Variants in RSRC1 observed in about 807,000 individuals in gnomAD.
RSRC1 encodes serine/Arginine-related protein 53.
A neutral mutation model predicts 49.1 loss-of-function variants in RSRC1; 39 were observed. The observed-to-expected ratio is 0.79, with a 90% CI of 0.61 to 1.04. The LOEUF is 1.04. RSRC1 is among the 50% of genes least tolerant of loss of function. The pLI is 0.00. For missense variants in RSRC1, 388 were observed against 402.4 expected (o/e 0.96, Z 0.31); for synonymous variants, 143 against 130.8 (o/e 1.09, Z -0.63).
intron 7 of RSRC1, among the ~76,000 whole-genome samples, chr3:158,505,675 T>C (rs900219591): frequency 2.0e-5 from 3 of 152,032 alleles, no homozygotes; most frequent in Non-Finnish European, 4.4e-5. Context: ...TTGCATGCTA[T>C]AGAAGTTCAT....
intron 6 of RSRC1, among the ~76,000 whole-genome samples, chr3:158,407,388 A>T (rs1470464046): frequency 6.6e-6 from 1 of 152,190 alleles, no homozygotes; most frequent in Non-Finnish European, 1.5e-5. Context: ...GCTTTATTTT[A>T]TAACTAATTT....
At chr3:158,121,089 T>A (rs997177750) in intron 1 of RSRC1, among the ~76,000 whole-genome samples, 32 of 152,052 alleles carry the variant, frequency 2.1e-4, no homozygotes, top group Admixed American at 1.9e-3. Flanking sequence ...TTATATTGCA[T>A]CATTTAAATA....
At chr3:158,432,228 G>A (rs1352703584) in intron 6 of RSRC1, among the ~76,000 whole-genome samples, 2 of 151,950 alleles carry the variant, frequency 1.3e-5, no homozygotes, top group East Asian at 3.9e-4. Flanking sequence ...AATTAACTTT[G>A]AATGAGGATT....
intron 6 of RSRC1, among the ~76,000 whole-genome samples, chr3:158,386,387 T>G (rs1205667400): frequency 6.6e-6 from 1 of 152,086 alleles, no homozygotes; most frequent in African/African-American, 2.4e-5. Flanking sequence ...TAATCTTGTT[T>G]AATACATTTT....
rs1713277717 is a variant in RSRC1 at position 158,545,219 on chromosome 3, T to TTTTTTTTTTTTTTTTTTTTTA, written c.*944_*945insTTTTTTTTTTTTTTTTTTTTA. On this transcript the variant is annotated 3_prime_UTR_variant, in exon 10 of 10. Coordinates refer to ENST00000611884, the MANE Select transcript of RSRC1 (RefSeq NM_001271838.2). ...TTTTTTTTTTTTTTTTTTTTTTTTT[T>TTTTTTTTTTTTTTTTTTTTTA]GAGACGGAGTCTCGCTCTATCCCCC... is the stretch of plus-strand genomic sequence containing the variant. 7.2e-6 allele frequency: 1 copy of TTTTTTTTTTTTTTTTTTTTTA among 138,836 alleles called. No individual in the cohort carries two copies. 8.6% of individuals were successfully genotyped at this position (138,836 alleles called of 1,614,324 possible).
intron 4 of RSRC1, among the ~76,000 whole-genome samples, chr3:158,242,926 T>C (rs1282712360): frequency 4.6e-5 from 7 of 152,178 alleles, no homozygotes; most frequent in African/African-American, 1.7e-4. Context: ...TAAATTTAAG[T>C]TCTTTGTAGA....
chr3:158,344,948 G>A (rs887886028), intron 5 of RSRC1, among the ~76,000 whole-genome samples: 21 of 152,296 alleles, frequency 1.4e-4, no homozygotes, highest in African/African-American at 4.8e-4. Flanking sequence ...GCCAGGCACG[G>A]TGGCTTACGC....
At chr3:158,272,657 G>A (rs1418360511) in intron 4 of RSRC1, among the ~76,000 whole-genome samples, 1 of 151,942 alleles carries the variant, frequency 6.6e-6, no homozygotes, top group Non-Finnish European at 1.5e-5. Flanking sequence ...AAGATTATAT[G>A]GGCTTTCAAG....
intron 4 of RSRC1, among the ~76,000 whole-genome samples, chr3:158,233,503 G>A (rs549836378): frequency 6.6e-6 from 1 of 152,260 alleles, no homozygotes; most frequent in Non-Finnish European, 1.5e-5. Flanking sequence ...ACAAGCACTT[G>A]TGTAGTATCA....
intron 4 of RSRC1, among the ~76,000 whole-genome samples, chr3:158,236,479 C>G (rs1185362359): frequency 6.6e-6 from 1 of 152,144 alleles, no homozygotes; most frequent in Admixed American, 6.6e-5. Flanking sequence ...AGTCCTGGCC[C>G]CCAGCATCCA....
chr3:158,213,261 A>G (rs1343473005), intron 4 of RSRC1, among the ~76,000 whole-genome samples: 1 of 151,938 alleles, frequency 6.6e-6, no homozygotes. Flanking sequence ...GGATAGATGT[A>G]GTTATGGGGT....
At chr3:158,167,707 A>G (rs1010611104) in intron 3 of RSRC1, among the ~76,000 whole-genome samples, 3 of 152,202 alleles carry the variant, frequency 2.0e-5, no homozygotes, top group Non-Finnish European at 4.4e-5. Context: ...GTTGGCTTTC[A>G]TCTGTATATT....
chr3:158,516,216 A>T lies in RSRC1; in HGVS notation c.653-20876A>T, dbSNP rs556171691. Among the ~76,000 whole-genome samples the T allele has an allele frequency of 1.3e-3, 190 of 151,916 alleles. 2 individuals carry two copies. Among genetic ancestry groups the T allele is most frequent in the Non-Finnish European group, 1.4e-3 (94 of 67,928 alleles). ...AGTTTTTCTGCTCTGTTTTTTCCCCATCTTTGTGGTTTTATCTACTTTTGG... is the reference window on the plus strand; with the variant it reads ...AGTTTTTCTGCTCTGTTTTTTCCCCTTCTTTGTGGTTTTATCTACTTTTGG... On this transcript the variant is annotated intron_variant, in intron 7 of 9. Coordinates refer to ENST00000611884, the MANE Select transcript of RSRC1 (RefSeq NM_001271838.2).
chr3:158,451,304 G>A (rs532631490), intron 6 of RSRC1, among the ~76,000 whole-genome samples: 1 of 152,036 alleles, frequency 6.6e-6, no homozygotes, highest in East Asian at 1.9e-4. Context: ...GATAGATTTG[G>A]AAAATTGATT....
chr3:158,474,971 G>C (rs967857001), intron 7 of RSRC1, among the ~76,000 whole-genome samples: 4 of 152,130 alleles, frequency 2.6e-5, no homozygotes, highest in Non-Finnish European at 5.9e-5. Flanking sequence ...CTGAAATATG[G>C]TGGTATGATC....
intron 3 of RSRC1, among the ~76,000 whole-genome samples, chr3:158,169,393 T>C (rs1431431302): frequency 6.6e-6 from 1 of 152,150 alleles, no homozygotes; most frequent in African/African-American, 2.4e-5. Flanking sequence ...TCATTCAGCA[T>C]AAATCCCTAT....
At chr3:158,385,651 T>C (rs565083056) in intron 6 of RSRC1, among the ~76,000 whole-genome samples, 1 of 152,202 alleles carries the variant, frequency 6.6e-6, no homozygotes, top group African/African-American at 2.4e-5. Context: ...GAGAAATAAC[T>C]GTGCTATTTT....
intron 4 of RSRC1, among the ~76,000 whole-genome samples, chr3:158,291,625 C>G (rs1559979575): frequency 6.6e-6 from 1 of 151,976 alleles, no homozygotes; most frequent in Non-Finnish European, 1.5e-5. Context: ...AGTTATTTTC[C>G]TAAGCTAATA....
chr3:158,471,118 A>T (rs1010482792), intron 7 of RSRC1, among the ~76,000 whole-genome samples: 1 of 152,238 alleles, frequency 6.6e-6, no homozygotes. Context: ...CCAAGAGGCA[A>T]TGTGTTACTG....
Sources: allele counts gnomAD v4.1 joint callset (sites outside exome capture counted in the v4.1 genomes callset), GRCh38; gene constraint gnomAD v4.1.1; transcripts MANE v1.5; gene names NCBI Gene and HGNC (gene_info 2026-07-23, HGNC 2026-07-21).